The following NTNG2 variants were observed in gnomAD, a reference collection of about 807,000 sequenced individuals.
NTNG2 encodes the protein netrin-G2.
In NTNG2, 15 loss-of-function variants were observed where a neutral mutation model predicts 47.6. The ratio of observed to expected loss-of-function variants is 0.32; its 90% CI spans 0.21 to 0.49. NTNG2 has a LOEUF of 0.49. NTNG2 is among the 20% of genes least tolerant of loss of function. The probability of loss-of-function intolerance (pLI) is 0.99; values close to 1 mark genes in which losing one functional copy is unlikely to be tolerated. For synonymous variants in NTNG2, 307 were observed against 324.6 expected (o/e 0.95, Z 0.58); for missense variants, 578 against 764.6 (o/e 0.76, Z 2.88).
At chr9:132,188,608 A>C (rs1269191052) in intron 2 of NTNG2, among the ~76,000 whole-genome samples, 1 of 152,180 alleles carries the variant, frequency 6.6e-6, no homozygotes, top group East Asian at 1.9e-4. Context: ...GGCGCCCAGC[A>C]CAGGGCCGAG....
At chr9:132,225,370 A>T (rs925667217) in intron 3 of NTNG2, among the ~76,000 whole-genome samples, 2 of 152,090 alleles carry the variant, frequency 1.3e-5, no homozygotes, top group Non-Finnish European at 2.9e-5. Flanking sequence ...TCCTGGGCTC[A>T]AGGGATCCTC....
In NTNG2 at chr9:132,231,691, C is replaced by A; in HGVS notation, c.1054+1096C>A. On this transcript the variant is annotated intron_variant, in intron 5 of 7. Transcript: ENST00000393229. The surrounding 1 kb of genome is among the most constrained non-coding windows in gnomAD (Gnocchi z 4.1). ...CCCGACCCCAAAGGCCCTGTGGCCACTGCGGCCACCACAGCCATGACAGGG... is the reference window on the plus strand; with the variant it reads ...CCCGACCCCAAAGGCCCTGTGGCCAATGCGGCCACCACAGCCATGACAGGG... The A allele has an allele frequency of 4.1e-6, 1 of 241,020 alleles. No individual in the cohort carries two copies. The highest frequency in any genetic ancestry group is 8.4e-6 in the Non-Finnish European group (1 of 119,300). The allele number at this position is 241,020 out of a possible 1,614,324, so 14.9% of individuals were successfully genotyped here.
At position 132,162,569 on chromosome 9, in the gene NTNG2, A is replaced by T. The variant is rs868243335; in HGVS notation, c.-484+330A>T. 8.9e-3 allele frequency among the ~76,000 whole-genome samples: 1,004 copies of T among 112,468 alleles called. 30 individuals are homozygous for T. Among genetic ancestry groups the T allele is most frequent in the African/African-American group, 0.033 (938 of 28,316 alleles). The allele number at this position is 112,468 out of a possible 152,430, so 73.8% of individuals were successfully genotyped here. On this transcript the variant is annotated intron_variant, in intron 1 of 7. Coordinates refer to ENST00000393229, the MANE Select transcript of NTNG2 (RefSeq NM_032536.4). This position sits in a 1 kb window ranked among gnomAD's most constrained non-coding sequence, Gnocchi z 4.6. ...GTGTGTGTGTGTGAGAGAGAGACAG[A>T]GTGTGTGTGTGTGTGTGTGTGTGTG... is the stretch of plus-strand genomic sequence containing the variant.
Position 132,236,511 on chromosome 9 carries a change from T to C in NTNG2, c.1055-2593T>C, listed in dbSNP as rs184634387. ...TGAGCTGTTCCTTCCAGCTCACATG[T>C]TCAAATTTCCTCCAGCCCCAGCTCT... On this transcript the variant is annotated intron_variant, in intron 5 of 7. Coordinates refer to ENST00000393229, the MANE Select transcript of NTNG2 (RefSeq NM_032536.4). This position sits in a 1 kb window ranked among gnomAD's most constrained non-coding sequence, Gnocchi z 4.3. Among the ~76,000 whole-genome samples, 7 of 152,326 alleles carry C rather than the reference T, an allele frequency of 4.6e-5. No individual in the cohort carries two copies. The highest frequency in any genetic ancestry group is 5.9e-5 in the Non-Finnish European group (4 of 68,016).
intron 2 of NTNG2, among the ~76,000 whole-genome samples, chr9:132,176,742 T>C (rs1382342762): frequency 1.3e-5 from 2 of 152,224 alleles, no homozygotes; most frequent in Non-Finnish European, 2.9e-5. Context: ...GGTAATTCTA[T>C]GTGTAACTTT....
At chr9:132,170,934 G>A (rs1020319899) in intron 2 of NTNG2, among the ~76,000 whole-genome samples, 5 of 152,156 alleles carry the variant, frequency 3.3e-5, no homozygotes, top group Non-Finnish European at 2.9e-5. Context: ...GAAGCCTGCC[G>A]TTGACGAAGG....
At chr9:132,161,814 G>C (rs976213211), upstream of NTNG2, 1 of 149,646 alleles carries the variant, frequency 6.7e-6, no homozygotes, top group African/African-American at 2.5e-5. The surrounding 1 kb of genome is among the most constrained non-coding windows in gnomAD (Gnocchi z 7.2). Context: ...CGCCGCGCCG[G>C]GGGGATGCCC....
At chr9:132,187,241 G>A (rs1036705991) in intron 2 of NTNG2, among the ~76,000 whole-genome samples, 23 of 152,252 alleles carry the variant, frequency 1.5e-4, no homozygotes, top group African/African-American at 5.5e-4. Context: ...GGCAGCGCTT[G>A]GAGGCTCGCT....
intron 2 of NTNG2, among the ~76,000 whole-genome samples, chr9:132,167,672 C>T (rs375907739): frequency 3.3e-5 from 5 of 152,118 alleles, no homozygotes; most frequent in East Asian, 3.9e-4. Flanking sequence ...CTGGGTAAGT[C>T]GGGGGAAGGC....
rs541112851 is a variant in NTNG2, at chr9:132,230,114, G to A, written c.1031-458G>A. Among the ~76,000 whole-genome samples the A allele has an allele frequency of 4.4e-4, 67 of 152,360 alleles. No individual in the cohort carries two copies. The South Asian group carries it at 0.013, about 30-fold the overall frequency. On this transcript the variant is annotated intron_variant, in intron 4 of 7. Transcript: ENST00000393229. ...CTGGCACGTGGGACGCACTCCACCC[G>A]CGGCAGCCGCTCCCATGGCTTCTCA...
intron 3 of NTNG2, among the ~76,000 whole-genome samples, chr9:132,210,903 C>T (rs1194519525): frequency 1.3e-5 from 2 of 152,058 alleles, no homozygotes; most frequent in African/African-American, 2.4e-5. Context: ...CGCCAAGTCA[C>T]ACACACACGC....
chr9:132,228,716 C>A (rs1486960679), intron 4 of NTNG2, among the ~76,000 whole-genome samples: 1 of 152,162 alleles, frequency 6.6e-6, no homozygotes, highest in Non-Finnish European at 1.5e-5. Context: ...CACCACCAGG[C>A]CCAGCTAATT....
At chr9:132,214,014 G>C (rs188432023) in intron 3 of NTNG2, among the ~76,000 whole-genome samples, 176 of 152,304 alleles carry the variant, frequency 1.2e-3, no homozygotes, top group Admixed American at 1.9e-3. Flanking sequence ...AGCCATTGCC[G>C]TGAACACTCT....
Position 132,244,095 on chromosome 9 carries a change from G to A in NTNG2, c.*1984G>A, listed in dbSNP as rs974316593. 3.3e-5 allele frequency: 5 copies of A among 152,210 alleles called. No homozygotes were observed. Among genetic ancestry groups the A allele is most frequent in the African/African-American group, 1.2e-4 (5 of 41,428 alleles). The allele number at this position is 152,210 out of a possible 1,614,324, so 9.4% of individuals were successfully genotyped here. A position where few individuals can be genotyped will look rare whatever the true frequency, so the allele number is the denominator to read the frequency against. ...GAGATGTAAGCAGGACTGATGGGTG[G>A]GCTTCCAGAAAGTTCTTAAAAGTCA... On this transcript the variant is annotated 3_prime_UTR_variant, in exon 8 of 8. Transcript: ENST00000393229.
chr9:132,226,775 G>T lies in NTNG2; in HGVS notation c.858-74G>T. 7.3e-7 allele frequency: 1 copy of T among 1,363,258 alleles called. No homozygotes were observed. The highest frequency in any genetic ancestry group is 9.8e-7 in the Non-Finnish European group (1 of 1,023,382). 84.4% of individuals were successfully genotyped at this position (1,363,258 alleles called of 1,614,324 possible). A position where few individuals can be genotyped will look rare whatever the true frequency, so the allele number is the denominator to read the frequency against. The stretch of plus-strand genomic sequence containing the variant: ...CCCTCCTGGGCCCCTCCTGGGAGGC[G>T]CTCCTTTCCCCAGAGGCCAGGCCAG... On this transcript the variant is annotated intron_variant, in intron 3 of 7. Coordinates refer to ENST00000393229, the MANE Select transcript of NTNG2 (RefSeq NM_032536.4). This position sits in a 1 kb window ranked among gnomAD's most constrained non-coding sequence, Gnocchi z 4.8.
intron 4 of NTNG2, among the ~76,000 whole-genome samples, chr9:132,227,429 G>T (rs1840859908): frequency 1.3e-5 from 2 of 152,210 alleles, no homozygotes; most frequent in Admixed American, 6.5e-5. Flanking sequence ...GACCCTGAAG[G>T]CTGGCAGGTG....
At position 132,182,903 on chromosome 9, in the gene NTNG2, C is replaced by G. The variant is rs530567269; in HGVS notation, c.214-15063C>G. Among the ~76,000 whole-genome samples the G allele has an allele frequency of 6.6e-6, 1 of 152,088 alleles. No homozygotes were observed. The highest frequency in any genetic ancestry group is 1.5e-5 in the Non-Finnish European group (1 of 68,022). On this transcript the variant is annotated intron_variant, in intron 2 of 7. Transcript: ENST00000393229. This position sits in a 1 kb window ranked among gnomAD's most constrained non-coding sequence, Gnocchi z 4.2. ...TTCCCCCCCTGCCGCAGCTGCCCCC[C>G]AGACCAGCTTCAGCAGCCTCTCTGG...
rs999532175 is a variant in NTNG2 at position 132,163,371 on chromosome 9, C to G, written c.-484+1132C>G. Among the ~76,000 whole-genome samples, 1 of 151,108 alleles carries G rather than the reference C, an allele frequency of 6.6e-6. No homozygotes were observed. The highest frequency in any genetic ancestry group is 2.1e-4 in the South Asian group (1 of 4,776). On this transcript the variant is annotated intron_variant, in intron 1 of 7. Transcript: ENST00000393229. This position sits in a 1 kb window ranked among gnomAD's most constrained non-coding sequence, Gnocchi z 7.2. ...CCCAACTTTCCAGGGCTCCCGCGGGCGGGGACCCAGGGGCCGGATAAAGGG... is the reference window on the plus strand; with the variant it reads ...CCCAACTTTCCAGGGCTCCCGCGGGGGGGGACCCAGGGGCCGGATAAAGGG...
chr9:132,225,928 G>T (rs1177717179), intron 3 of NTNG2, among the ~76,000 whole-genome samples: 1 of 152,202 alleles, frequency 6.6e-6, no homozygotes, highest in Non-Finnish European at 1.5e-5. Context: ...TCAGGGTGAT[G>T]CTCTGTCCTC....
Sources: allele counts gnomAD v4.1 joint callset (sites outside exome capture counted in the v4.1 genomes callset), GRCh38; gene constraint gnomAD v4.1.1; non-coding constraint Gnocchi (gnomAD v3.1); transcripts MANE v1.5; gene names NCBI Gene and HGNC (gene_info 2026-07-23, HGNC 2026-07-21).